Variants in MRTFB observed in about 807,000 individuals in gnomAD.
The protein encoded by MRTFB is myocardin related transcription factor B.
A neutral mutation model predicts 104.2 loss-of-function variants in MRTFB; 29 were observed. The observed-to-expected ratio is 0.28, with a 90% confidence interval of 0.21 to 0.38. The LOEUF (loss-of-function observed/expected upper bound fraction) is 0.38, where lower values mean the gene tolerates loss of function less well. Among genes scored for constraint, MRTFB ranks in the 10% least tolerant of loss-of-function variants. MRTFB has a pLI of 1.00. For missense variants in MRTFB, 1,270 were observed against 1,341.6 expected (o/e 0.95, Z 0.83); for synonymous variants, 535 against 519.5 (o/e 1.03, Z -0.41).
chr16:14,041,895 G>C, the MRTFB span, among the ~76,000 whole-genome samples: 1 of 151,914 alleles, frequency 6.6e-6, no homozygotes, highest in South Asian at 2.1e-4. Flanking sequence ...CATTGCACTC[G>C]AGCCTGGGCA....
intron 2 of MRTFB, among the ~76,000 whole-genome samples, chr16:14,104,471 A>G (rs2035868598): frequency 6.6e-6 from 1 of 152,212 alleles, no homozygotes. Flanking sequence ...CTCAGGCAGG[A>G]TGACATGGTG....
chr16:14,068,914 G>C (rs530788237), upstream of MRTFB, among the ~76,000 whole-genome samples: 5 of 149,986 alleles, frequency 3.3e-5, no homozygotes, highest in South Asian at 1.1e-3. Context: ...TCCGGAGCCA[G>C]GACACTATCT....
At chr16:14,063,279 T>C in the MRTFB span, among the ~76,000 whole-genome samples, 1 of 152,194 alleles carries the variant, frequency 6.6e-6, no homozygotes, top group Non-Finnish European at 1.5e-5. Context: ...GTGCTCGGGG[T>C]GCACATGTGT....
chr16:14,230,541 A>G (rs9797011), intron 8 of MRTFB, among the ~76,000 whole-genome samples: 6,259 of 152,182 alleles, frequency 0.041, 153 homozygotes, highest in Middle Eastern at 0.085. Context: ...AATGCTCACC[A>G]TCACTGGCCA....
chr16:14,182,156 C>T (rs1018111942), intron 3 of MRTFB, among the ~76,000 whole-genome samples: 1 of 152,206 alleles, frequency 6.6e-6, no homozygotes, highest in African/African-American at 2.4e-5. Context: ...GTTTCTCCTA[C>T]TGAGGGATAC....
the MRTFB span, among the ~76,000 whole-genome samples, chr16:14,036,296 T>TTATTTATATATATATATATATATA: frequency 2.0e-5 from 2 of 98,352 alleles, no homozygotes; most frequent in South Asian, 7.8e-4. Context: ...TTATATATAT[T>TTATTTATATATATATATATATATA]TATATATATA....
intron 8 of MRTFB, among the ~76,000 whole-genome samples, chr16:14,220,308 C>T (rs2041633434): frequency 6.6e-6 from 1 of 152,178 alleles, no homozygotes; most frequent in African/African-American, 2.4e-5. Context: ...TTACACTTAT[C>T]CATTTGGGTT....
At chr16:14,199,285 T>A (rs1007776596) in intron 3 of MRTFB, among the ~76,000 whole-genome samples, 2 of 152,350 alleles carry the variant, frequency 1.3e-5, no homozygotes, top group African/African-American at 4.8e-5. Context: ...ATCTGACCTG[T>A]AACAGGGCTT....
chr16:14,000,961 C>A, the MRTFB span, among the ~76,000 whole-genome samples: 1 of 152,264 alleles, frequency 6.6e-6, no homozygotes, highest in South Asian at 2.1e-4. Flanking sequence ...TAAACCATTG[C>A]ATGCCAGGCC....
chr16:14,216,878 GT>G (rs1246014494), intron 6 of MRTFB, among the ~76,000 whole-genome samples: 1 of 152,130 alleles, frequency 6.6e-6, no homozygotes, highest in Non-Finnish European at 1.5e-5. Flanking sequence ...CCCACTTTTG[GT>G]TTAAGGTCCT....
chr16:14,116,811 G>A (rs2036567785), intron 2 of MRTFB, among the ~76,000 whole-genome samples: 1 of 152,132 alleles, frequency 6.6e-6, no homozygotes, highest in African/African-American at 2.4e-5. Context: ...ATCCTCAGGG[G>A]TGGGGAGGCA....
Position 14,262,591 on chromosome 16 carries a change from C to T in MRTFB, c.*1147C>T, listed in dbSNP as rs2043815614. On this transcript the variant is annotated 3_prime_UTR_variant, in exon 17 of 17. Coordinates refer to ENST00000571589, the MANE Select transcript of MRTFB (RefSeq NM_001308142.2). ...GTCACTAACCCTGGTTATCATTTTACAGGCTTGTAACTGGATATTCTACCA... is the reference window on the plus strand; with the variant it reads ...GTCACTAACCCTGGTTATCATTTTATAGGCTTGTAACTGGATATTCTACCA... 1.3e-5 allele frequency: 2 copies of T among 152,224 alleles called. No individual in the cohort carries two copies. The highest frequency in any genetic ancestry group is 2.1e-4 in the South Asian group (1 of 4,828). The allele number at this position is 152,224 out of a possible 1,614,324, so 9.4% of individuals were successfully genotyped here. A position where few individuals can be genotyped will look rare whatever the true frequency, so the allele number is the denominator to read the frequency against.
At chr16:14,181,092 A>G (rs573129078) in intron 3 of MRTFB, among the ~76,000 whole-genome samples, 1 of 152,332 alleles carries the variant, frequency 6.6e-6, no homozygotes, top group South Asian at 2.1e-4. Context: ...GATAAAGTGA[A>G]GGACTTTTTC....
Position 14,213,568 on chromosome 16 carries a change from G to A in MRTFB, c.300G>A (p.Lys100=), listed in dbSNP as rs773016339. ...RARTENFLKH[K]IRSRPDRSEL... ...AGACTGAAAACTTTTTGAAACACAA[G>A]ATTCGGAGTCGACCAGATCGTTCTG... Residue 100 remains lysine, a synonymous_variant, in exon 6 of 17, where the codon AAG becomes AAA. Coordinates refer to ENST00000571589, the MANE Select transcript of MRTFB (RefSeq NM_001308142.2). 1.0e-5 allele frequency: 16 copies of A among 1,600,994 alleles called. No homozygotes were observed. The highest frequency in any genetic ancestry group is 1.4e-5 in the Non-Finnish European group (16 of 1,175,046).
At chr16:14,212,555 T>A in intron 5 of MRTFB, 146 bp downstream of exon 5, 1 of 743,138 alleles carries the variant, frequency 1.3e-6, no homozygotes, top group Middle Eastern at 2.5e-4. Context: ...ATAGAGAATA[T>A]TTACTCTGGG....
At chr16:14,072,460 A>T (rs936509318) in intron 1 of MRTFB, among the ~76,000 whole-genome samples, 1 of 152,188 alleles carries the variant, frequency 6.6e-6, no homozygotes, top group Non-Finnish European at 1.5e-5. Context: ...GTTAAAAAAA[A>T]TTAGGAGGAG....
rs189753339 is a variant in MRTFB at position 14,108,861 on chromosome 16, C to T, written c.-64+29507C>T. 7.5e-3 allele frequency among the ~76,000 whole-genome samples: 1,146 copies of T among 152,204 alleles called. 6 individuals are homozygous for T. The highest frequency in any genetic ancestry group is 0.013 in the Non-Finnish European group (853 of 68,008). ...ACCTTTCCCCCATCGTCTCCCCTGC[C>T]GAATACAGTAGCTTGATATTTGGGA... On this transcript the variant is annotated intron_variant, in intron 2 of 16. Coordinates refer to ENST00000571589, the MANE Select transcript of MRTFB (RefSeq NM_001308142.2).
At chr16:14,099,458 C>T (rs2035576289) in intron 2 of MRTFB, among the ~76,000 whole-genome samples, 1 of 150,778 alleles carries the variant, frequency 6.6e-6, no homozygotes, top group African/African-American at 2.4e-5. Context: ...TCACTGCAAC[C>T]TCCGCCTCCT....
At chr16:14,059,108 C>T in the MRTFB span, among the ~76,000 whole-genome samples, 1 of 151,968 alleles carries the variant, frequency 6.6e-6, no homozygotes, top group African/African-American at 2.4e-5. Flanking sequence ...AATAATTGTT[C>T]ATATTTATGG....
Sources: allele counts gnomAD v4.1 joint callset (sites outside exome capture counted in the v4.1 genomes callset), GRCh38; gene constraint gnomAD v4.1.1; transcripts MANE v1.5; gene names NCBI Gene and HGNC (gene_info 2026-07-23, HGNC 2026-07-21).